The following ST3GAL1 variants were observed in gnomAD, a reference collection of about 807,000 sequenced individuals.
ST3GAL1 encodes CMP-N-acetylneuraminate-beta-galactosamide-alpha-2,3-sialyltransferase 1.
ST3GAL1 carries 16 observed loss-of-function variants against 34.1 expected under a neutral mutation model. The ratio of observed to expected loss-of-function variants is 0.47; its 90% CI spans 0.32 to 0.71. The LOEUF is 0.71. Ranked by LOEUF, ST3GAL1 falls within the 30% of genes least tolerant of loss-of-function variation. The pLI is 0.04. For synonymous variants in ST3GAL1, 191 were observed against 184.7 expected, an observed-to-expected ratio of 1.03 and a Z score of -0.28; for missense variants, 353 against 447.4, an observed-to-expected ratio of 0.79 and a Z score of 1.90.
rs141264386 is a variant in ST3GAL1, at chr8:133,494,817, C to T, written c.-374+4318G>A. Among the ~76,000 whole-genome samples the T allele has an allele frequency of 2.7e-3, 410 of 152,150 alleles. 2 individuals are homozygous for T. The highest frequency in any genetic ancestry group is 9.6e-3 in the African/African-American group (399 of 41,508). ...CTTCCCACAGGTAGTAAGGTCATTC[C>T]TTTACTCAATTCAGGGTGCTGGGTC... On this transcript the variant is annotated intron_variant, in intron 3 of 9. Coordinates refer to ENST00000522652, the MANE Select transcript of ST3GAL1 (RefSeq NM_173344.3).
intron 1 of ST3GAL1, among the ~76,000 whole-genome samples, chr8:133,547,332 ATG>A (rs1818700239): frequency 4.0e-5 from 6 of 151,872 alleles, no homozygotes; most frequent in African/African-American, 1.5e-4. Context: ...GGGCCGTGGC[ATG>A]ACTACCACTC....
intron 3 of ST3GAL1, among the ~76,000 whole-genome samples, chr8:133,498,746 C>T (rs1020025473): frequency 5.9e-5 from 9 of 152,222 alleles, no homozygotes; most frequent in Non-Finnish European, 1.0e-4. Flanking sequence ...ACACAGCACA[C>T]GACGAGGCAC....
chr8:133,475,077 G>C (rs1816117248), intron 5 of ST3GAL1, among the ~76,000 whole-genome samples: 1 of 152,234 alleles, frequency 6.6e-6, no homozygotes, highest in Non-Finnish European at 1.5e-5. Flanking sequence ...GAGGATCTCT[G>C]CATGAGATCA....
intron 2 of ST3GAL1, among the ~76,000 whole-genome samples, chr8:133,521,717 C>T (rs909825455): frequency 6.6e-6 from 1 of 152,156 alleles, no homozygotes; most frequent in African/African-American, 2.4e-5. Flanking sequence ...AGTTTTCAAT[C>T]ATTAATAATG....
intron 1 of ST3GAL1, among the ~76,000 whole-genome samples, chr8:133,563,028 T>A (rs1819293235): frequency 6.7e-6 from 1 of 149,680 alleles, no homozygotes; most frequent in Non-Finnish European, 1.5e-5. Flanking sequence ...GGTTGGGGTT[T>A]ATTGGTTGGG....
At chr8:133,500,408 G>A (rs1309134411) in intron 2 of ST3GAL1, among the ~76,000 whole-genome samples, 1 of 152,206 alleles carries the variant, frequency 6.6e-6, no homozygotes, top group African/African-American at 2.4e-5. Flanking sequence ...GACATTTTTA[G>A]TATAATTACA....
intron 2 of ST3GAL1, among the ~76,000 whole-genome samples, chr8:133,523,792 T>A (rs1817881077): frequency 6.6e-6 from 1 of 152,228 alleles, no homozygotes; most frequent in African/African-American, 2.4e-5. Context: ...CTATCCCTCG[T>A]CCTCGTCTCT....
At position 133,458,212 on chromosome 8, in the gene ST3GAL1, C is replaced by G. The variant is rs1179077266; in HGVS notation, c.*1552G>C. ...TCCTACAAACCTCCCTTAAGCACCC[C>G]CACCTAATTTCCCAGCTACTGGGTG... is the stretch of plus-strand genomic sequence containing the variant. On this transcript the variant is annotated 3_prime_UTR_variant, in exon 10 of 10. Transcript: ENST00000522652. The G allele has an allele frequency of 1.3e-5, 2 of 152,176 alleles. No homozygotes were observed. The highest frequency in any genetic ancestry group is 2.9e-5 in the Non-Finnish European group (2 of 68,060). 9.4% of individuals were successfully genotyped at this position (152,176 alleles called of 1,614,324 possible). A position where few individuals can be genotyped will look rare whatever the true frequency, so the allele number is the denominator to read the frequency against.
chr8:133,552,747 A>C (rs374129994), intron 1 of ST3GAL1, among the ~76,000 whole-genome samples: 15 of 152,308 alleles, frequency 9.8e-5, no homozygotes, highest in African/African-American at 3.6e-4. Context: ...TCTCATAATG[A>C]AGTGCCTTTC....
rs189802912 is a variant in ST3GAL1 at position 133,479,123 on chromosome 8, G to A, written c.-373-2523C>T. Among the ~76,000 whole-genome samples, 104 of 152,284 alleles carry A rather than the reference G, an allele frequency of 6.8e-4. 2 individuals are homozygous for A. The East Asian group carries it at 0.015, about 22-fold the overall frequency. ...AACACAAATTCTGCTCATTTCTCGG[G>A]GCCGTCAGCCCATCAAGGTTGTCCA... On this transcript the variant is annotated intron_variant, in intron 3 of 9. Coordinates refer to ENST00000522652, the MANE Select transcript of ST3GAL1 (RefSeq NM_173344.3).
At chr8:133,488,606 T>C (rs554788027) in intron 3 of ST3GAL1, among the ~76,000 whole-genome samples, 1 of 152,298 alleles carries the variant, frequency 6.6e-6, no homozygotes, top group Non-Finnish European at 1.5e-5. Flanking sequence ...AAATATGGGA[T>C]AGGCTCTGCT....
chr8:133,544,109 C>G (rs1057123730), intron 2 of ST3GAL1: 1 of 151,602 alleles, frequency 6.6e-6, no homozygotes, highest in Admixed American at 6.6e-5. Context: ...CTTGGGTAAC[C>G]CAACGATAAG....
intron 1 of ST3GAL1, among the ~76,000 whole-genome samples, chr8:133,562,364 C>T (rs570472458): frequency 3.3e-5 from 5 of 152,036 alleles, no homozygotes; most frequent in African/African-American, 1.2e-4. Flanking sequence ...CACACACCAT[C>T]ATGTCCAGAT....
Position 133,461,805 on chromosome 8 carries a change from C to T in ST3GAL1, c.849+70G>A. The T allele has an allele frequency of 6.3e-7, 1 of 1,596,446 alleles. No homozygotes were observed. Among genetic ancestry groups the T allele is most frequent in the East Asian group, 2.2e-5 (1 of 44,522 alleles). ...CTAGGTCTACCTGCCCTCCCCCTCC[C>T]TGGCCTCTCTTGGGAACACAGGACG... On this transcript the variant is annotated intron_variant, in intron 9 of 9. Transcript: ENST00000522652. The surrounding 1 kb of genome is among the most constrained non-coding windows in gnomAD (Gnocchi z 4.7).
chr8:133,465,703 T>G, intron 6 of ST3GAL1, 191 bp downstream of exon 6: 1 of 579,558 alleles, frequency 1.7e-6, no homozygotes, highest in East Asian at 3.0e-5. Flanking sequence ...TCTAGTCCAT[T>G]CCAATCCTGC....
chr8:133,512,017 C>A (rs974434487), intron 2 of ST3GAL1, among the ~76,000 whole-genome samples: 1 of 152,160 alleles, frequency 6.6e-6, no homozygotes, highest in Non-Finnish European at 1.5e-5. Context: ...TGAGCCACTG[C>A]ACTACAGCCT....
At chr8:133,537,723 T>A (rs2131056961) in intron 2 of ST3GAL1, among the ~76,000 whole-genome samples, 1 of 152,098 alleles carries the variant, frequency 6.6e-6, no homozygotes, top group South Asian at 2.1e-4. Context: ...CCCCACTGAA[T>A]CAAGAAAACA....
chr8:133,513,412 T>C (rs1817553163), intron 2 of ST3GAL1, among the ~76,000 whole-genome samples: 1 of 152,208 alleles, frequency 6.6e-6, no homozygotes, highest in African/African-American at 2.4e-5. Flanking sequence ...TTTTTGTTTT[T>C]CTTTCATTTA....
intron 2 of ST3GAL1, chr8:133,516,290 C>T (rs1817645919): frequency 6.6e-6 from 1 of 152,194 alleles, no homozygotes; most frequent in South Asian, 2.1e-4. Flanking sequence ...TGCCAGCTCC[C>T]CTTCTTCTTC....
Sources: allele counts gnomAD v4.1 joint callset (sites outside exome capture counted in the v4.1 genomes callset), GRCh38; gene constraint gnomAD v4.1.1; non-coding constraint Gnocchi (gnomAD v3.1); transcripts MANE v1.5; gene names NCBI Gene and HGNC (gene_info 2026-07-23, HGNC 2026-07-21).